The following USO1 variants were observed in gnomAD, a reference collection of about 807,000 sequenced individuals.
USO1 encodes the protein general vesicular transport factor p115.
USO1 carries 57 observed loss-of-function variants against 124.5 expected under a neutral mutation model. The ratio of observed to expected loss-of-function variants is 0.46; its 90% CI spans 0.37 to 0.57. The LOEUF (loss-of-function observed/expected upper bound fraction) is 0.57. USO1 is among the 20% of genes least tolerant of loss of function. The probability of loss-of-function intolerance (pLI) is 0.00; values close to 1 mark genes in which losing one functional copy is unlikely to be tolerated. For synonymous variants in USO1, 369 were observed against 362.8 expected (o/e 1.02, Z -0.19); for missense variants, 900 against 1,040.6 (o/e 0.86, Z 1.86).
At chr4:75,769,868 T>A (rs1415008613) in intron 4 of USO1, among the ~76,000 whole-genome samples, 2 of 152,128 alleles carry the variant, frequency 1.3e-5, no homozygotes, top group Non-Finnish European at 2.9e-5. Flanking sequence ...ATTCTGATTT[T>A]ATTGCCAAAG....
chr4:75,780,458 G>A (rs1185503252), intron 8 of USO1, among the ~76,000 whole-genome samples: 6 of 150,960 alleles, frequency 4.0e-5, no homozygotes, highest in Non-Finnish European at 7.4e-5. Context: ...TTTTTTAGTA[G>A]AGATGGGGCT....
chr4:75,787,919 G>A (rs1220853419), intron 10 of USO1, among the ~76,000 whole-genome samples: 1 of 151,892 alleles, frequency 6.6e-6, no homozygotes, highest in African/African-American at 2.4e-5. Context: ...TTGTAATTGT[G>A]TTCTTCATTT....
chr4:75,758,937 T>A (rs1721518741), intron 4 of USO1, among the ~76,000 whole-genome samples: 1 of 152,128 alleles, frequency 6.6e-6, no homozygotes, highest in Non-Finnish European at 1.5e-5. Flanking sequence ...AATGAGAAAA[T>A]TAGATGCAAC....
chr4:75,798,033 A>G (rs749953268), intron 13 of USO1, among the ~76,000 whole-genome samples: 3 of 152,046 alleles, frequency 2.0e-5, no homozygotes, highest in Non-Finnish European at 2.9e-5. Context: ...GCTCTTTAGG[A>G]GTGTTTTAAA....
chr4:75,790,524 A>C, intron 11 of USO1, 119 bp from the exon 12 acceptor site: 1 of 1,412,360 alleles, frequency 7.1e-7, no homozygotes, highest in Non-Finnish European at 9.3e-7. Context: ...TAGAGATGGA[A>C]ATACTTAACT....
At chr4:75,727,264 C>A (rs186325320) in intron 1 of USO1, among the ~76,000 whole-genome samples, 1 of 152,184 alleles carries the variant, frequency 6.6e-6, no homozygotes, top group Admixed American at 6.6e-5. Context: ...ACATTTTGAT[C>A]TTGCCACTGT....
chr4:75,726,498 C>CTAAG (rs1720465576), intron 1 of USO1, among the ~76,000 whole-genome samples: 1 of 151,302 alleles, frequency 6.6e-6, no homozygotes, highest in Non-Finnish European at 1.5e-5. Context: ...TAAGGGGATG[C>CTAAG]TAAGCCAGGA....
chr4:75,809,970 G>A (rs1723097635), intron 21 of USO1, among the ~76,000 whole-genome samples: 1 of 152,194 alleles, frequency 6.6e-6, no homozygotes, highest in African/African-American at 2.4e-5. Context: ...GACAAGGAAA[G>A]ACTGAAAAAC....
rs975082823 is a variant in USO1, at chr4:75,752,478, G to A, written c.153+19G>A. 2.3e-5 allele frequency: 9 copies of A among 398,320 alleles called. No homozygotes were observed. Among genetic ancestry groups the A allele is most frequent in the Non-Finnish European group, 3.5e-5 (8 of 225,982 alleles). 24.7% of individuals were successfully genotyped at this position (398,320 alleles called of 1,614,324 possible). On this transcript the variant is annotated intron_variant, in intron 2 of 23. Coordinates refer to ENST00000514213, the MANE Select transcript of USO1 (RefSeq NM_003715.4). ...ATCTAAGGTTTGTAACTTTGTAAAT[G>A]TTTTAAGTTTCTTAAGTTGGATATT...
At chr4:75,795,449 C>T in intron 13 of USO1, 1 of 678,866 alleles carries the variant, frequency 1.5e-6, no homozygotes, top group Non-Finnish European at 2.7e-6. Flanking sequence ...TTTTTAACTG[C>T]TTGTTTGAAG....
At chr4:75,764,937 A>C (rs1261528493) in intron 4 of USO1, among the ~76,000 whole-genome samples, 1 of 152,164 alleles carries the variant, frequency 6.6e-6, no homozygotes, top group Admixed American at 6.6e-5. Flanking sequence ...CCTTAGACAG[A>C]GCATATACTC....
chr4:75,742,358 A>G (rs577710456), intron 1 of USO1, among the ~76,000 whole-genome samples: 3 of 152,280 alleles, frequency 2.0e-5, no homozygotes, highest in South Asian at 2.1e-4. Context: ...TTGCATTTCC[A>G]TTATCATCAT....
At chr4:75,805,862 T>C (rs1380498000) in intron 19 of USO1, among the ~76,000 whole-genome samples, 1 of 152,186 alleles carries the variant, frequency 6.6e-6, no homozygotes, top group Non-Finnish European at 1.5e-5. Context: ...GTCTAGTTCA[T>C]TGTTGTGAGA....
At chr4:75,729,383 A>C (rs1720564498) in intron 1 of USO1, among the ~76,000 whole-genome samples, 1 of 152,098 alleles carries the variant, frequency 6.6e-6, no homozygotes, top group African/African-American at 2.4e-5. Context: ...TCTGTCGCCC[A>C]GGCTGGAGTG....
In USO1 at chr4:75,752,360, T is replaced by C. The variant is rs1239732169; in HGVS notation, c.67-13T>C. ...TTTTATTCTTTTAATGCCATTTTAT[T>C]TTTTCATGACAGATTCAAAAGCTTT... On this transcript the variant is annotated splice_polypyrimidine_tract_variant and intron_variant, in intron 1 of 23. Coordinates refer to ENST00000514213, the MANE Select transcript of USO1 (RefSeq NM_003715.4). 5.0e-6 allele frequency: 2 copies of C among 398,182 alleles called. No individual in the cohort carries two copies. The highest frequency in any genetic ancestry group is 2.1e-5 in the African/African-American group (1 of 48,604). 24.7% of individuals were successfully genotyped at this position (398,182 alleles called of 1,614,324 possible). A position where few individuals can be genotyped will look rare whatever the true frequency, so the allele number is the denominator to read the frequency against.
chr4:75,807,239 G>T (rs1723022673), intron 20 of USO1, among the ~76,000 whole-genome samples: 1 of 152,080 alleles, frequency 6.6e-6, no homozygotes, highest in Admixed American at 6.6e-5. Flanking sequence ...AAATAATGTA[G>T]CAATTGGAAG....
intron 1 of USO1, among the ~76,000 whole-genome samples, chr4:75,741,601 CTTTTTTTT>C (rs34702586): frequency 1.3e-5 from 1 of 78,856 alleles, no homozygotes; most frequent in Non-Finnish European, 2.2e-5. Flanking sequence ...ACTTTTTAAA[CTTTTTTTT>C]TTTTTTTTTT....
chr4:75,769,727 C>A (rs1233597859), intron 4 of USO1, among the ~76,000 whole-genome samples: 1 of 141,468 alleles, frequency 7.1e-6, no homozygotes, highest in Non-Finnish European at 1.5e-5. Flanking sequence ...TTGTTGCTTT[C>A]ATTTTTAGTG....
chr4:75,801,113 A>G lies in USO1; in HGVS notation c.1899A>G (p.Glu633=). The part of the protein sequence containing the change: ...VITKAIYKSS[E]EDKKEEEVKK... Reference sequence around the variant, plus strand: ...CTAAGGCTATTTATAAGTCCAGTGAAGAAGATAAAAAAGAAGAAGAGGTGA... The same window carrying G: ...CTAAGGCTATTTATAAGTCCAGTGAGGAAGATAAAAAAGAAGAAGAGGTGA... Residue 633 remains glutamate, a synonymous_variant, in exon 17 of 24, where the codon GAA becomes GAG. Transcript: ENST00000514213. The G allele has an allele frequency of 6.2e-7, 1 of 1,600,240 alleles. No individual in the cohort carries two copies. The highest frequency in any genetic ancestry group is 8.5e-7 in the Non-Finnish European group (1 of 1,172,932).
Sources: gnomAD v4.1 joint callset for allele counts (sites outside exome capture counted in the v4.1 genomes callset) on GRCh38, gnomAD v4.1.1 for gene constraint, MANE v1.5 for transcripts, NCBI Gene and HGNC (gene_info 2026-07-23, HGNC 2026-07-21) for gene names.